The following CNKSR2 variants were observed in gnomAD, a reference collection of about 807,000 sequenced individuals.
The protein encoded by CNKSR2 is CNK homolog protein 2.
CNKSR2 carries 14 observed loss-of-function variants against 84.4 expected under a neutral mutation model. The ratio of observed to expected loss-of-function variants is 0.17; its 90% CI spans 0.11 to 0.26. The LOEUF is 0.26. Among genes scored for constraint, CNKSR2 ranks in the 10% least tolerant of loss-of-function variants. The probability of loss-of-function intolerance (pLI) is 1.00; values close to 1 mark genes in which losing one functional copy is unlikely to be tolerated. For missense variants in CNKSR2, 485 were observed against 771.2 expected, an observed-to-expected ratio of 0.63 and a Z score of 4.40; for synonymous variants, 275 against 277.9, an observed-to-expected ratio of 0.99 and a Z score of 0.10.
intron 1 of CNKSR2, among the ~76,000 whole-genome samples, chrX:21,377,528 A>C (rs747540687): frequency 4.5e-5 from 5 of 112,146 alleles, no homozygotes; most frequent in Non-Finnish European, 9.4e-5. Flanking sequence ...CTGTTGAACA[A>C]CTGCAATGTG....
intron 13 of CNKSR2, among the ~76,000 whole-genome samples, chrX:21,581,594 G>T (rs892644098): frequency 1.8e-5 from 2 of 111,832 alleles, no homozygotes; most frequent in African/African-American, 6.5e-5. Flanking sequence ...TAAAGTGGAA[G>T]TGGTGAAAAG....
At position 21,440,678 on chromosome X, in the gene CNKSR2, C is replaced by G. The variant is rs773233158; in HGVS notation, c.432-16C>G. 1 of 1,076,323 alleles carries G rather than the reference C, an allele frequency of 9.3e-7. No homozygotes were observed. The highest frequency in any genetic ancestry group is 1.9e-5 in the African/African-American group (1 of 53,541). 88.7% of individuals were successfully genotyped at this position (1,076,323 alleles called of 1,213,427 possible). ...AGCTGTTACTAGTAATCACAATTTTCCTTTTCCCTTTATAGGTCACCATTT... is the reference window on the plus strand; with the variant it reads ...AGCTGTTACTAGTAATCACAATTTTGCTTTTCCCTTTATAGGTCACCATTT... On this transcript the variant is annotated splice_polypyrimidine_tract_variant and intron_variant, in intron 3 of 21. Transcript: ENST00000379510.
At chrX:21,492,613 A>G (rs959177173) in intron 6 of CNKSR2, 45 of 111,566 alleles carry the variant, frequency 4.0e-4, no homozygotes, top group African/African-American at 1.4e-3. Context: ...GCTTAGGAGG[A>G]TGACTTTAAA....
At position 21,567,789 on chromosome X, in the gene CNKSR2, TTGTGTGGTGTGTGTGTGTGTGTGTGTG is replaced by T. The variant is rs2092251424; in HGVS notation, c.1608+4344_1608+4370del. On this transcript the variant is annotated intron_variant, in intron 13 of 21. Transcript: ENST00000379510. ...ATGAAGACAAGGCAGACAGAAGTTTTTGTGTGGTGTGTGTGTGTGTGTGTGTGTGTGTGTGTGTGTGTGTGTGTGTGT... is the reference window on the plus strand; with the variant it reads ...ATGAAGACAAGGCAGACAGAAGTTTTTGTGTGTGTGTGTGTGTGTGTGTGT... Among the ~76,000 whole-genome samples, 6 of 87,625 alleles carry T rather than the reference TTGTGTGGTGTGTGTGTGTGTGTGTGTG, an allele frequency of 6.8e-5. No homozygotes were observed. In the South Asian group the frequency reaches 4.0e-3, roughly 58 times the overall value. The allele number at this position is 87,625 out of a possible 115,157, so 76.1% of individuals were successfully genotyped here. A position where few individuals can be genotyped will look rare whatever the true frequency, so the allele number is the denominator to read the frequency against.
intron 10 of CNKSR2, among the ~76,000 whole-genome samples, chrX:21,528,694 A>G (rs2091857982): frequency 9.1e-6 from 1 of 110,075 alleles, no homozygotes; most frequent in South Asian, 3.8e-4. Flanking sequence ...TTGCTTGAAA[A>G]CTCCATACTT....
chrX:21,411,577 A>T (rs1308090056), intron 1 of CNKSR2, among the ~76,000 whole-genome samples: 1 of 109,883 alleles, frequency 9.1e-6, no homozygotes, highest in African/African-American at 3.3e-5. Context: ...TCATACTCTC[A>T]CTCCTGTCTC....
In CNKSR2 at chrX:21,609,317, G is replaced by A. The variant is rs755412341; in HGVS notation, c.2392G>A (p.Ala798Thr). Residue 798 changes from alanine (A) to threonine (T), a missense_variant, in exon 20 of 22, where the codon GCG becomes ACG. Transcript: ENST00000379510. ...GGAGGATTCTGTCTTCTCTGACTCC[G>A]CGGCCATCTCCCCAGAGCACAGGCG... is the stretch of plus-strand genomic sequence containing the variant. ...PLEDSVFSDS[A>T]AISPEHRRQS... 4 of 1,211,392 alleles carry A rather than the reference G, an allele frequency of 3.3e-6. No individual in the cohort carries two copies. Among genetic ancestry groups the A allele is most frequent in the African/African-American group, 1.7e-5 (1 of 57,714 alleles).
chrX:21,573,940 C>G (rs2092301950), intron 13 of CNKSR2, among the ~76,000 whole-genome samples: 1 of 111,637 alleles, frequency 9.0e-6, no homozygotes, highest in African/African-American at 3.3e-5. Flanking sequence ...TGTAACTTTT[C>G]CAAATTTTTA....
At chrX:21,513,606 T>A (rs1267310620) in intron 8 of CNKSR2, among the ~76,000 whole-genome samples, 2 of 111,755 alleles carry the variant, frequency 1.8e-5, no homozygotes, top group African/African-American at 6.5e-5. Flanking sequence ...GAGGCCAAGA[T>A]GGGGAAATTG....
intron 11 of CNKSR2, among the ~76,000 whole-genome samples, chrX:21,533,587 C>T (rs2091903286): frequency 2.7e-5 from 3 of 111,223 alleles, no homozygotes; most frequent in Admixed American, 9.5e-5. Context: ...GTAGTCCCTT[C>T]GGACTACATT....
At chrX:21,577,030 T>G (rs903166533) in intron 13 of CNKSR2, among the ~76,000 whole-genome samples, 2 of 111,985 alleles carry the variant, frequency 1.8e-5, no homozygotes, top group Non-Finnish European at 3.8e-5. Context: ...TGTAACTTAA[T>G]GGAATTCCTA....
intron 11 of CNKSR2, among the ~76,000 whole-genome samples, chrX:21,545,269 G>A (rs2092014152): frequency 8.9e-6 from 1 of 112,157 alleles, no homozygotes; most frequent in Non-Finnish European, 1.9e-5. Context: ...CAAAGCCTCT[G>A]GGAAATTCGA....
At chrX:21,483,999 A>G (rs998447340) in intron 5 of CNKSR2, among the ~76,000 whole-genome samples, 4 of 112,451 alleles carry the variant, frequency 3.6e-5, no homozygotes, top group African/African-American at 6.5e-5. Context: ...ACAATAAAAT[A>G]AAAACATACT....
At chrX:21,448,016 G>A (rs763335569) in intron 4 of CNKSR2, among the ~76,000 whole-genome samples, 4 of 111,137 alleles carry the variant, frequency 3.6e-5, no homozygotes. Flanking sequence ...TTTAGAAGGA[G>A]ACAAATATGA....
chrX:21,387,740 A>G (rs1173503040), intron 1 of CNKSR2, among the ~76,000 whole-genome samples: 5 of 111,233 alleles, frequency 4.5e-5, no homozygotes, highest in African/African-American at 1.6e-4. Flanking sequence ...CTCCTGAAAT[A>G]AAATTCAGAT....
At chrX:21,453,325 A>G (rs1393935068) in intron 4 of CNKSR2, among the ~76,000 whole-genome samples, 1 of 111,752 alleles carries the variant, frequency 8.9e-6, no homozygotes, top group Non-Finnish European at 1.9e-5. Context: ...AATATATTTT[A>G]CTTCTCAATT....
chrX:21,484,577 G>T (rs2091359639), intron 5 of CNKSR2, among the ~76,000 whole-genome samples: 1 of 110,159 alleles, frequency 9.1e-6, no homozygotes, highest in Non-Finnish European at 1.9e-5. Context: ...CTTATTCCTT[G>T]TATATACGTA....
intron 4 of CNKSR2, among the ~76,000 whole-genome samples, chrX:21,461,467 T>TTC (rs2091060396): frequency 8.9e-6 from 1 of 112,071 alleles, no homozygotes; most frequent in South Asian, 3.7e-4. Context: ...TGCAAATATT[T>TTC]TCTCCCATGT....
At chrX:21,457,594 C>A (rs146469832) in intron 4 of CNKSR2, among the ~76,000 whole-genome samples, 3 of 111,390 alleles carry the variant, frequency 2.7e-5, no homozygotes, top group African/African-American at 9.8e-5. Context: ...TGTATTTTAG[C>A]GATTCAAGCA....
Sources: gnomAD v4.1 joint callset for allele counts (sites outside exome capture counted in the v4.1 genomes callset) on GRCh38, gnomAD v4.1.1 for gene constraint, MANE v1.5 for transcripts, NCBI Gene and HGNC (gene_info 2026-07-23, HGNC 2026-07-21) for gene names.